Variants in CDH13 observed in about 807,000 individuals in gnomAD.
CDH13 encodes cadherin-13.
Under a neutral mutation model 63.8 loss-of-function variants are expected in CDH13, and 24 were observed. The ratio of observed to expected loss-of-function variants is 0.38; its 90% CI spans 0.27 to 0.53. CDH13 has a LOEUF of 0.53. CDH13 is among the 20% of genes least tolerant of loss of function. The pLI is 0.85. For missense variants in CDH13, 1,049 were observed against 903.1 expected (o/e 1.16, Z -2.07); for synonymous variants, 503 against 355.3 (o/e 1.42, Z -4.67).
At chr16:83,061,088 A>G (rs1188048942) in intron 3 of CDH13, among the ~76,000 whole-genome samples, 1 of 152,346 alleles carries the variant, frequency 6.6e-6, no homozygotes. Context: ...TCTCCATTTT[A>G]CAAAGGAGAA....
At chr16:82,701,911 G>T (rs1222189797) in intron 1 of CDH13, among the ~76,000 whole-genome samples, 1 of 152,144 alleles carries the variant, frequency 6.6e-6, no homozygotes, top group Non-Finnish European at 1.5e-5. Context: ...CAGCCACGTG[G>T]ACTTAGAATA....
intron 1 of CDH13, among the ~76,000 whole-genome samples, chr16:82,670,007 C>G (rs529407565): frequency 6.6e-6 from 1 of 152,298 alleles, no homozygotes; most frequent in African/African-American, 2.4e-5. Flanking sequence ...TTATTCCTGA[C>G]CTGCCTCAAG....
chr16:83,752,377 G>A (rs889726495), intron 11 of CDH13, among the ~76,000 whole-genome samples: 1 of 152,142 alleles, frequency 6.6e-6, no homozygotes, highest in Non-Finnish European at 1.5e-5. Flanking sequence ...ATATTAAGAA[G>A]AACAAAACCA....
At chr16:82,927,073 T>C (rs2042326736) in intron 2 of CDH13, among the ~76,000 whole-genome samples, 1 of 152,134 alleles carries the variant, frequency 6.6e-6, no homozygotes, top group Non-Finnish European at 1.5e-5. Flanking sequence ...CTTAATGTGC[T>C]TGGTGGTTGA....
chr16:83,508,155 G>GGGAGC (rs1406825473), intron 7 of CDH13, among the ~76,000 whole-genome samples: 2 of 126,472 alleles, frequency 1.6e-5, no homozygotes, highest in African/African-American at 5.8e-5. Context: ...GGGAGGGGAG[G>GGGAGC]CGAGGGGAGG....
At chr16:82,870,401 C>G (rs963144375) in intron 2 of CDH13, among the ~76,000 whole-genome samples, 1 of 152,062 alleles carries the variant, frequency 6.6e-6, no homozygotes, top group African/African-American at 2.4e-5. Context: ...ATGCAGAACA[C>G]TATGGATGGT....
chr16:82,916,094 C>T lies in CDH13; in HGVS notation c.157+57621C>T, dbSNP rs183638702. Among the ~76,000 whole-genome samples, 108 of 152,214 alleles carry T rather than the reference C, an allele frequency of 7.1e-4. 1 individual carries two copies. Among genetic ancestry groups the T allele is most frequent in the African/African-American group, 2.5e-3 (105 of 41,534 alleles). On this transcript the variant is annotated intron_variant, in intron 2 of 13. Coordinates refer to ENST00000567109, the MANE Select transcript of CDH13 (RefSeq NM_001257.5). ...TGTTTAAATGCCTCCAGACTACATT[C>T]CTTTTTATTCTTGATTTTACCTGGG... is the stretch of plus-strand genomic sequence containing the variant.
At chr16:83,531,020 G>A (rs2075072734) in intron 7 of CDH13, among the ~76,000 whole-genome samples, 1 of 152,182 alleles carries the variant, frequency 6.6e-6, no homozygotes, top group South Asian at 2.1e-4. Flanking sequence ...TGCTGGCAGT[G>A]TGTTTTCATG....
rs530924125 is a variant in CDH13 at position 82,802,978 on chromosome 16, C to A, written c.46-55384C>A. Among the ~76,000 whole-genome samples the A allele has an allele frequency of 7.2e-5, 11 of 152,340 alleles. No homozygotes were observed. The South Asian group carries it at 2.3e-3, about 32-fold the overall frequency. ...GAAACTCTAAAATACTTACTTGAAT[C>A]CCTGGAATGGATTCATCCAACCCTG... is the stretch of plus-strand genomic sequence containing the variant. On this transcript the variant is annotated intron_variant, in intron 1 of 13. Transcript: ENST00000567109.
intron 6 of CDH13, among the ~76,000 whole-genome samples, chr16:83,349,002 T>C (rs2090896295): frequency 2.6e-5 from 4 of 152,228 alleles, no homozygotes; most frequent in Non-Finnish European, 5.9e-5. Flanking sequence ...TGTGTTCGAA[T>C]GCCCTCGGCA....
intron 2 of CDH13, among the ~76,000 whole-genome samples, chr16:82,933,376 A>T (rs546205427): frequency 4.6e-5 from 7 of 152,246 alleles, no homozygotes; most frequent in African/African-American, 1.7e-4. Flanking sequence ...TGAGAACAGC[A>T]TGGGGAGACT....
intron 13 of CDH13, among the ~76,000 whole-genome samples, chr16:83,790,879 T>G (rs2151020101): frequency 6.6e-6 from 1 of 152,380 alleles, no homozygotes; most frequent in South Asian, 2.1e-4. Context: ...AAACCATTTC[T>G]GACCATTGCT....
intron 1 of CDH13, among the ~76,000 whole-genome samples, chr16:82,682,701 A>C (rs1418736556): frequency 6.6e-6 from 1 of 152,240 alleles, no homozygotes; most frequent in Non-Finnish European, 1.5e-5. Context: ...GGAGGTGGAC[A>C]CAAAGTAATT....
chr16:83,617,670 A>G (rs1455162548), intron 8 of CDH13, among the ~76,000 whole-genome samples: 2 of 151,458 alleles, frequency 1.3e-5, no homozygotes, highest in African/African-American at 4.8e-5. Context: ...ATTTGCACAT[A>G]ATATCTATTG....
chr16:82,846,029 G>A (rs1351947132), intron 1 of CDH13, among the ~76,000 whole-genome samples: 1 of 152,210 alleles, frequency 6.6e-6, no homozygotes, highest in Admixed American at 6.5e-5. Flanking sequence ...CCAAACTGAA[G>A]GAGGGCATGC....
At chr16:83,060,447 C>G (rs543858702) in intron 3 of CDH13, among the ~76,000 whole-genome samples, 1 of 152,300 alleles carries the variant, frequency 6.6e-6, no homozygotes, top group Admixed American at 6.5e-5. Flanking sequence ...ACTGTAGAGT[C>G]TTCCTGATGT....
rs1317457436 is a variant in CDH13 at position 82,994,470 on chromosome 16, G to C, written c.158-37540G>C. Among the ~76,000 whole-genome samples, 3 of 152,200 alleles carry C rather than the reference G, an allele frequency of 2.0e-5. No homozygotes were observed. In the East Asian group the frequency reaches 5.8e-4, roughly 29 times the overall value. ...TAGGGCTTCTATCAGCTCCAGCAAA[G>C]AGACCATGGAGAGCGTAGCCTTTCA... On this transcript the variant is annotated intron_variant, in intron 2 of 13. Coordinates refer to ENST00000567109, the MANE Select transcript of CDH13 (RefSeq NM_001257.5).
intron 1 of CDH13, among the ~76,000 whole-genome samples, chr16:82,790,923 G>T (rs746608275): frequency 6.6e-6 from 1 of 152,166 alleles, no homozygotes; most frequent in South Asian, 2.1e-4. Context: ...AGGACTAGCT[G>T]GATTTCCTAG....
At chr16:82,926,470 T>C (rs2042307207) in intron 2 of CDH13, among the ~76,000 whole-genome samples, 1 of 152,230 alleles carries the variant, frequency 6.6e-6, no homozygotes, top group Non-Finnish European at 1.5e-5. Flanking sequence ...CCTGTCCAGA[T>C]TGCTAAGTTC....
Sources: gnomAD v4.1 joint callset for allele counts (sites outside exome capture counted in the v4.1 genomes callset) on GRCh38, gnomAD v4.1.1 for gene constraint, MANE v1.5 for transcripts, NCBI Gene and HGNC (gene_info 2026-07-23, HGNC 2026-07-21) for gene names.